The following MKLN1 variants were observed in gnomAD, a reference collection of about 807,000 sequenced individuals.
The protein encoded by MKLN1 is muskelin 1, also known as muskelin.
A neutral mutation model predicts 99.0 loss-of-function variants in MKLN1; 18 were observed. The observed-to-expected ratio is 0.18, with a 90% CI of 0.13 to 0.27. The LOEUF (loss-of-function observed/expected upper bound fraction) is 0.27. Ranked by LOEUF, MKLN1 falls within the 10% of genes least tolerant of loss-of-function variation. MKLN1 has a pLI of 1.00. For missense variants in MKLN1, 621 were observed against 875.9 expected (o/e 0.71, Z 3.67); for synonymous variants, 288 against 293.2 (o/e 0.98, Z 0.18).
At chr7:131,459,549 T>G (rs1312311160) in intron 12 of MKLN1, among the ~76,000 whole-genome samples, 2 of 152,196 alleles carry the variant, frequency 1.3e-5, no homozygotes, top group Non-Finnish European at 2.9e-5. Flanking sequence ...TAGTTCAAAG[T>G]ACTTAGCATG....
intron 1 of MKLN1, among the ~76,000 whole-genome samples, chr7:131,340,980 T>G (rs915703209): frequency 2.0e-5 from 3 of 152,182 alleles, no homozygotes; most frequent in Non-Finnish European, 4.4e-5. Flanking sequence ...AATATTTTTA[T>G]TATGAAGTTA....
intron 3 of MKLN1, among the ~76,000 whole-genome samples, chr7:131,321,357 A>G (rs1026358962): frequency 6.6e-6 from 1 of 152,206 alleles, no homozygotes; most frequent in Non-Finnish European, 1.5e-5. Context: ...GTTCTCACTA[A>G]TAAGTGGGAG....
chr7:131,335,695 GTTT>G (rs11291759), intron 1 of MKLN1, among the ~76,000 whole-genome samples: 2 of 144,246 alleles, frequency 1.4e-5, no homozygotes, highest in African/African-American at 2.5e-5. Context: ...TGACCTGTAG[GTTT>G]TTTTTTTTTT....
intron 3 of MKLN1, among the ~76,000 whole-genome samples, chr7:131,251,286 T>C (rs1401953838): frequency 6.6e-6 from 1 of 152,190 alleles, no homozygotes; most frequent in Non-Finnish European, 1.5e-5. Flanking sequence ...GCACCAAAGA[T>C]ATTAAACGAC....
chr7:131,195,487 G>A (rs1364540647), intron 2 of MKLN1, among the ~76,000 whole-genome samples: 1 of 151,714 alleles, frequency 6.6e-6, no homozygotes, highest in Non-Finnish European at 1.5e-5. Flanking sequence ...CTCCAGCCTG[G>A]GTGACAGAGT....
intron 3 of MKLN1, among the ~76,000 whole-genome samples, chr7:131,203,730 C>G (rs1796763886): frequency 6.6e-6 from 1 of 152,148 alleles, no homozygotes; most frequent in Non-Finnish European, 1.5e-5. Flanking sequence ...GTGCCCTGCT[C>G]CTGCCTGGAG....
upstream of MKLN1, among the ~76,000 whole-genome samples, chr7:131,326,504 G>T (rs141899552): frequency 6.6e-6 from 1 of 152,020 alleles, no homozygotes. Context: ...GTCACCACAC[G>T]CAGCTAACTT....
intron 3 of MKLN1, among the ~76,000 whole-genome samples, chr7:131,293,652 A>G (rs1798252359): frequency 6.6e-6 from 1 of 152,074 alleles, no homozygotes; most frequent in Non-Finnish European, 1.5e-5. Flanking sequence ...ACAAAAAATA[A>G]AAAATTAGCT....
intron 3 of MKLN1, among the ~76,000 whole-genome samples, chr7:131,218,348 A>G (rs1797014377): frequency 6.6e-6 from 1 of 152,238 alleles, no homozygotes; most frequent in African/African-American, 2.4e-5. Flanking sequence ...TTATGTGTAT[A>G]TCTTAGCAGA....
chr7:131,233,120 G>A (rs1797267370), intron 3 of MKLN1, among the ~76,000 whole-genome samples: 1 of 152,042 alleles, frequency 6.6e-6, no homozygotes, highest in Admixed American at 6.6e-5. Flanking sequence ...AGGAAGGATT[G>A]TTTGAGCCCA....
At chr7:131,473,870 C>T (rs779328146) in intron 16 of MKLN1, among the ~76,000 whole-genome samples, 2 of 152,136 alleles carry the variant, frequency 1.3e-5, no homozygotes, top group Non-Finnish European at 2.9e-5. Flanking sequence ...AGTACTGGGC[C>T]GGGCACAGTG....
At chr7:131,246,013 G>A (rs911020322) in intron 3 of MKLN1, among the ~76,000 whole-genome samples, 5 of 152,182 alleles carry the variant, frequency 3.3e-5, no homozygotes, top group Non-Finnish European at 5.9e-5. Flanking sequence ...CCCTAGGGCC[G>A]CACTTCTGAA....
intron 3 of MKLN1, chr7:131,243,088 G>T (rs370734003): frequency 1.0e-4 from 46 of 439,094 alleles, no homozygotes; most frequent in Middle Eastern, 7.7e-4. Flanking sequence ...CCATGGTACC[G>T]TCCTAGTGAA....
At chr7:131,299,015 T>A (rs927753678) in intron 3 of MKLN1, among the ~76,000 whole-genome samples, 1 of 152,208 alleles carries the variant, frequency 6.6e-6, no homozygotes, top group Non-Finnish European at 1.5e-5. Flanking sequence ...TCTGTCTCTA[T>A]TGTTTATAAA....
chr7:131,373,253 G>A (rs1282870438), intron 1 of MKLN1, among the ~76,000 whole-genome samples: 3 of 151,946 alleles, frequency 2.0e-5, no homozygotes, highest in African/African-American at 4.8e-5. Flanking sequence ...ATTTTATAGG[G>A]ACAATATATA....
intron 9 of MKLN1, among the ~76,000 whole-genome samples, chr7:131,433,034 C>G (rs537042212): frequency 9.2e-5 from 14 of 152,318 alleles, no homozygotes; most frequent in Admixed American, 5.9e-4. Context: ...CAGATATAGA[C>G]AATTATCCCA....
At chr7:131,256,882 A>G (rs1797665635) in intron 3 of MKLN1, among the ~76,000 whole-genome samples, 1 of 152,216 alleles carries the variant, frequency 6.6e-6, no homozygotes, top group Non-Finnish European at 1.5e-5. Context: ...CGATGGGATC[A>G]TTTGAAGCTC....
intron 2 of MKLN1, among the ~76,000 whole-genome samples, chr7:131,173,974 C>T (rs28421755): frequency 0.58 from 74,925 of 129,410 alleles, 21,804 homozygotes; most frequent in Middle Eastern, 0.65. Flanking sequence ...TTTTCTTTTT[C>T]TTTTTTTTTT....
At chr7:131,365,204 A>G (rs1021000481) in intron 1 of MKLN1, among the ~76,000 whole-genome samples, 3 of 152,142 alleles carry the variant, frequency 2.0e-5, no homozygotes, top group Admixed American at 2.0e-4. Context: ...TTCTCTAATG[A>G]TCGGTGATAC....
Sources: gnomAD v4.1 joint callset for allele counts (sites outside exome capture counted in the v4.1 genomes callset) on GRCh38, gnomAD v4.1.1 for gene constraint, MANE v1.5 for transcripts, NCBI Gene and HGNC (gene_info 2026-07-23, HGNC 2026-07-21) for gene names.